PGAP4: variants seen among roughly 807,000 people sequenced by gnomAD.
PGAP4 encodes post-GPI attachment to proteins GalNAc transferase 4.
A neutral mutation model predicts 28.2 loss-of-function variants in PGAP4; 12 were observed. That is an observed-to-expected ratio of 0.42 (90% CI 0.27 to 0.69). The LOEUF (loss-of-function observed/expected upper bound fraction) is 0.69, where lower values mean the gene tolerates loss of function less well. PGAP4 is among the 30% of genes least tolerant of loss of function. The probability of loss-of-function intolerance (pLI) is 0.22; values close to 1 mark genes in which losing one functional copy is unlikely to be tolerated. For missense variants in PGAP4, 425 were observed against 513.5 expected (o/e 0.83, Z 1.67); for synonymous variants, 205 against 211.8 (o/e 0.97, Z 0.28).
chr9:101,515,063 A>G (rs1032066598), intron 2 of PGAP4, among the ~76,000 whole-genome samples: 1 of 152,180 alleles, frequency 6.6e-6, no homozygotes, highest in East Asian at 1.9e-4. Context: ...TGCTGTTGTA[A>G]CAAATCACTA....
At position 101,506,100 on chromosome 9, in the gene PGAP4, C is replaced by A. The variant is rs1314427793; in HGVS notation, c.-164-16900G>T. ...AACTGGGACATTGGAATAGGAACTG[C>A]CCTCAAAGATTTCAAAGGAGGCCTC... On this transcript the variant is annotated intron_variant, in intron 2 of 3. Transcript: ENST00000374851. Among the ~76,000 whole-genome samples, 7 of 152,062 alleles carry A rather than the reference C, an allele frequency of 4.6e-5. No homozygotes were observed. The South Asian group carries it at 1.0e-3, about 23-fold the overall frequency.
chr9:101,503,226 C>CA (rs35927092), intron 2 of PGAP4, among the ~76,000 whole-genome samples: 1 of 151,476 alleles, frequency 6.6e-6, no homozygotes. Context: ...AGCGATCTTA[C>CA]AAAAAAAAGC....
At chr9:101,504,550 T>G (rs2118598117) in intron 2 of PGAP4, among the ~76,000 whole-genome samples, 1 of 152,146 alleles carries the variant, frequency 6.6e-6, no homozygotes, top group Non-Finnish European at 1.5e-5. Context: ...CCTCTCTGTT[T>G]CTCTCAGGTC....
At chr9:101,481,901 T>C (rs1260064262) in intron 1 of PGAP4, among the ~76,000 whole-genome samples, 2 of 152,140 alleles carry the variant, frequency 1.3e-5, no homozygotes, top group South Asian at 2.1e-4. Flanking sequence ...GCCTCTTTTA[T>C]TATGCCTCTC....
At chr9:101,521,727 T>A (rs1826989969) in intron 2 of PGAP4, among the ~76,000 whole-genome samples, 1 of 152,152 alleles carries the variant, frequency 6.6e-6, no homozygotes, top group East Asian at 1.9e-4. Context: ...TCTACTCTGA[T>A]CTTGGTTATT....
At chr9:101,521,283 G>A (rs1472977598) in intron 2 of PGAP4, among the ~76,000 whole-genome samples, 1 of 152,124 alleles carries the variant, frequency 6.6e-6, no homozygotes, top group Non-Finnish European at 1.5e-5. Context: ...AGTGTCAAAA[G>A]GATTGGTGCC....
chr9:101,512,303 C>T (rs138966764), intron 2 of PGAP4, among the ~76,000 whole-genome samples: 15 of 152,214 alleles, frequency 9.9e-5, no homozygotes, highest in South Asian at 4.1e-4. Context: ...CCTAAAAATA[C>T]GAGATTCACA....
chr9:101,489,748 CAG>C (rs1297797720), upstream of PGAP4, among the ~76,000 whole-genome samples: 4 of 152,190 alleles, frequency 2.6e-5, no homozygotes, highest in African/African-American at 9.7e-5. Context: ...TCCCAGGACA[CAG>C]AGCTGACTGG....
At chr9:101,520,929 G>C (rs963055591) in intron 2 of PGAP4, among the ~76,000 whole-genome samples, 1 of 152,082 alleles carries the variant, frequency 6.6e-6, no homozygotes, top group Non-Finnish European at 1.5e-5. Flanking sequence ...GGTCATAAAG[G>C]GATCCTGGAT....
At chr9:101,509,711 C>G (rs1490202212) in intron 2 of PGAP4, among the ~76,000 whole-genome samples, 1 of 152,116 alleles carries the variant, frequency 6.6e-6, no homozygotes, top group East Asian at 1.9e-4. Flanking sequence ...TCTCAGCTTG[C>G]AAGCATTTCT....
rs1465327354 is a variant in PGAP4 at position 101,475,167 on chromosome 9, A to C, written c.*714T>G. ...GAGTAGTACAGAAATGTTCAATGTT[A>C]AATCACTACTCAACATAAGCAATCT... is the stretch of plus-strand genomic sequence containing the variant. On this transcript the variant is annotated 3_prime_UTR_variant, in exon 2 of 2. Coordinates refer to ENST00000374848, the MANE Select transcript of PGAP4 (RefSeq NM_032342.3). The C allele has an allele frequency of 6.6e-6, 1 of 152,586 alleles. No individual in the cohort carries two copies. The highest frequency in any genetic ancestry group is 1.5e-5 in the Non-Finnish European group (1 of 68,354). 9.5% of individuals were successfully genotyped at this position (152,586 alleles called of 1,614,324 possible). A position where few individuals can be genotyped will look rare whatever the true frequency, so the allele number is the denominator to read the frequency against.
At chr9:101,506,585 G>A (rs1247492839) in intron 2 of PGAP4, among the ~76,000 whole-genome samples, 5 of 152,008 alleles carry the variant, frequency 3.3e-5, no homozygotes, top group African/African-American at 9.7e-5. Flanking sequence ...TCTCCTGTAC[G>A]CTTGACCATC....
chr9:101,500,286 C>G (rs1273820148), intron 2 of PGAP4, among the ~76,000 whole-genome samples: 2 of 151,994 alleles, frequency 1.3e-5, no homozygotes, highest in Non-Finnish European at 2.9e-5. Context: ...TCCTGAGGCT[C>G]TGAGGAGAGA....
At chr9:101,506,763 A>C (rs1826851966) in intron 2 of PGAP4, among the ~76,000 whole-genome samples, 1 of 152,054 alleles carries the variant, frequency 6.6e-6, no homozygotes, top group African/African-American at 2.4e-5. Flanking sequence ...TTCCCTTAAC[A>C]TCCATTAAAG....
rs1012764676 is a variant in PGAP4 at position 101,486,523 on chromosome 9, G to A, written c.-78+426C>T. On this transcript the variant is annotated intron_variant, in intron 1 of 1. Transcript: ENST00000374848. This position sits in a 1 kb window ranked among gnomAD's most constrained non-coding sequence, Gnocchi z 4.7. ...GCTTGCGGGCGGCCATTAGGCGCCA[G>A]GCCCCTTGGCGCTTCGGCCCTGCTA... Among the ~76,000 whole-genome samples the A allele has an allele frequency of 2.0e-5, 3 of 152,174 alleles. No individual in the cohort carries two copies. The highest frequency in any genetic ancestry group is 7.2e-5 in the African/African-American group (3 of 41,456).
chr9:101,489,854 CT>C (rs1302313932), upstream of PGAP4, among the ~76,000 whole-genome samples: 52 of 152,056 alleles, frequency 3.4e-4, no homozygotes, highest in African/African-American at 1.2e-3. Context: ...TTGAACAAAC[CT>C]TTTGGGACAC....
intron 2 of PGAP4, among the ~76,000 whole-genome samples, chr9:101,500,907 A>C (rs555907661): frequency 1.3e-5 from 2 of 152,134 alleles, no homozygotes; most frequent in East Asian, 3.9e-4. Flanking sequence ...TTGATGTCTG[A>C]TGTCTGTGGT....
chr9:101,495,897 G>A (rs1397719773), intron 2 of PGAP4, among the ~76,000 whole-genome samples: 1 of 151,138 alleles, frequency 6.6e-6, no homozygotes, highest in East Asian at 1.9e-4. Flanking sequence ...GTTTCCTTAT[G>A]TGAAGCTCAT....
intron 2 of PGAP4, among the ~76,000 whole-genome samples, chr9:101,517,620 A>G (rs997814529): frequency 6.6e-6 from 1 of 152,188 alleles, no homozygotes; most frequent in Non-Finnish European, 1.5e-5. Flanking sequence ...CATGTGATTC[A>G]AGATGATGGT....
Sources: allele counts gnomAD v4.1 joint callset (sites outside exome capture counted in the v4.1 genomes callset), GRCh38; gene constraint gnomAD v4.1.1; non-coding constraint Gnocchi (gnomAD v3.1); transcripts MANE v1.5; gene names NCBI Gene and HGNC (gene_info 2026-07-23, HGNC 2026-07-21).